Variants in SLC15A2 observed in about 807,000 individuals in gnomAD.
The protein encoded by SLC15A2 is kidney H(+)/peptide cotransporter.
A neutral mutation model predicts 95.5 loss-of-function variants in SLC15A2; 77 were observed. The observed-to-expected ratio is 0.81, with a 90% CI of 0.67 to 0.97. The LOEUF (loss-of-function observed/expected upper bound fraction) is 0.97. Ranked by LOEUF, SLC15A2 falls within the 50% of genes least tolerant of loss-of-function variation. SLC15A2 has a pLI of 0.00. For missense variants in SLC15A2, 893 were observed against 874.4 expected (o/e 1.02, Z -0.27); for synonymous variants, 306 against 306.9 (o/e 1.00, Z 0.03).
intron 3 of SLC15A2, among the ~76,000 whole-genome samples, chr3:121,900,199 C>T (rs1361284914): frequency 6.6e-6 from 1 of 152,154 alleles, no homozygotes; most frequent in Non-Finnish European, 1.5e-5. Flanking sequence ...GCATTCACCT[C>T]CACAAATCTG....
intron 3 of SLC15A2, among the ~76,000 whole-genome samples, chr3:121,905,299 G>A (rs961636725): frequency 1.3e-5 from 2 of 152,116 alleles, no homozygotes; most frequent in Admixed American, 6.6e-5. Flanking sequence ...CAAAAAACCA[G>A]CTCCTGGATT....
chr3:121,939,433 G>T lies in SLC15A2; in HGVS notation c.1846G>T (p.Ala616Ser). The change falls in exon 20 of 22, where the codon GCC (alanine) becomes TCC (serine). Residue 616 changes from alanine to serine, a missense_variant. Ala to Ser is a moderately conservative substitution (Grantham distance 99). Coordinates refer to ENST00000489711, the MANE Select transcript of SLC15A2 (RefSeq NM_021082.4). ...CATTGCGTGGCAGCTACCACAATATGCCCTGGTTACAGCTGGGGAGGTCAT... is the reference window on the plus strand; with the variant it reads ...CATTGCGTGGCAGCTACCACAATATTCCCTGGTTACAGCTGGGGAGGTCAT... ...MSIAWQLPQY[A>S]LVTAGEVMFS... 1 of 1,574,668 alleles carries T rather than the reference G, an allele frequency of 6.4e-7. No homozygotes were observed. Among genetic ancestry groups the T allele is most frequent in the South Asian group, 1.2e-5 (1 of 84,566 alleles).
At chr3:121,932,477 GATA>G (rs1710252559) in intron 19 of SLC15A2, among the ~76,000 whole-genome samples, 1 of 152,124 alleles carries the variant, frequency 6.6e-6, no homozygotes, top group South Asian at 2.1e-4. Context: ...TACTGAAACT[GATA>G]ATAATGTCAA....
chr3:121,900,706 C>A (rs1339991817), intron 3 of SLC15A2, among the ~76,000 whole-genome samples: 1 of 152,062 alleles, frequency 6.6e-6, no homozygotes, highest in African/African-American at 2.4e-5. Context: ...TCTTCCCCAC[C>A]CTTTCATGTC....
chr3:121,927,983 A>G (rs1195276305), intron 14 of SLC15A2, 144 bp downstream of exon 14: 2 of 652,116 alleles, frequency 3.1e-6, no homozygotes, highest in Non-Finnish European at 5.3e-6. Context: ...GTGATAAATA[A>G]GTAGATACAG....
chr3:121,898,368 G>A (rs1576667026), intron 3 of SLC15A2, among the ~76,000 whole-genome samples: 1 of 151,864 alleles, frequency 6.6e-6, no homozygotes, highest in African/African-American at 2.4e-5. Flanking sequence ...TAGACTATTG[G>A]TTCATTCAGT....
intron 3 of SLC15A2, among the ~76,000 whole-genome samples, chr3:121,909,604 G>A (rs1045304640): frequency 6.6e-6 from 1 of 151,986 alleles, no homozygotes; most frequent in Admixed American, 6.5e-5. Flanking sequence ...TATTTCCTAT[G>A]AGGTTTTTGT....
In SLC15A2 at chr3:121,928,401, C is replaced by CA. The variant is rs747187907; in HGVS notation, c.1207-19dup. ...AAGGATTATTTGTTGGTGATTCTGA[C>CA]ATGTGTTCTTTGCTCTAAGGAAATG... is the stretch of plus-strand genomic sequence containing the variant. On this transcript the variant is annotated intron_variant, in intron 14 of 21. Coordinates refer to ENST00000489711, the MANE Select transcript of SLC15A2 (RefSeq NM_021082.4). 6.2e-7 allele frequency: 1 copy of CA among 1,610,456 alleles called. No homozygotes were observed. The highest frequency in any genetic ancestry group is 2.2e-5 in the East Asian group (1 of 44,802).
intron 3 of SLC15A2, among the ~76,000 whole-genome samples, chr3:121,909,992 T>C (rs201420793): frequency 4.6e-5 from 7 of 151,658 alleles, no homozygotes; most frequent in African/African-American, 1.5e-4. Context: ...CTCCTTTTTT[T>C]TTCCTCTATG....
Position 121,915,490 on chromosome 3 carries a change from G to A in SLC15A2, c.620-126G>A, listed in dbSNP as rs1426154629. On this transcript the variant is annotated intron_variant, in intron 6 of 21. Coordinates refer to ENST00000489711, the MANE Select transcript of SLC15A2 (RefSeq NM_021082.4). ...AGAAGAACTATGGATTAGGTGATGG[G>A]AGGAAAGAGGGTGGTTATGTCTATT... 3 of 813,718 alleles carry A rather than the reference G, an allele frequency of 3.7e-6. No individual in the cohort carries two copies. The East Asian group carries it at 7.4e-5, about 20-fold the overall frequency. The allele number at this position is 813,718 out of a possible 1,614,324, so 50.4% of individuals were successfully genotyped here.
At position 121,894,412 on chromosome 3, in the gene SLC15A2, G is replaced by A; in HGVS notation, c.-65G>A. 7.9e-7 allele frequency: 1 copy of A among 1,259,136 alleles called. No individual in the cohort carries two copies. Among genetic ancestry groups the A allele is most frequent in the Non-Finnish European group, 1.1e-6 (1 of 882,194 alleles). The allele number at this position is 1,259,136 out of a possible 1,614,324, so 78.0% of individuals were successfully genotyped here. A position where few individuals can be genotyped will look rare whatever the true frequency, so the allele number is the denominator to read the frequency against. On this transcript the variant is annotated 5_prime_UTR_variant, in exon 1 of 22. Coordinates refer to ENST00000489711, the MANE Select transcript of SLC15A2 (RefSeq NM_021082.4). ...CAGTCCTTCTTTTCAGAGTAGGCTGGCAGCTGTCCTAACTGCCTACTAAAG... is the reference window on the plus strand; with the variant it reads ...CAGTCCTTCTTTTCAGAGTAGGCTGACAGCTGTCCTAACTGCCTACTAAAG...
chr3:121,906,870 G>A (rs1317874900), intron 3 of SLC15A2, among the ~76,000 whole-genome samples: 2 of 152,080 alleles, frequency 1.3e-5, no homozygotes, highest in African/African-American at 4.8e-5. Flanking sequence ...TATCTTTGTG[G>A]TGTTCTCTGA....
At position 121,911,557 on chromosome 3, in the gene SLC15A2, T is replaced by A; in HGVS notation, c.336-17T>A. The A allele has an allele frequency of 6.3e-7, 1 of 1,584,670 alleles. No individual in the cohort carries two copies. Among genetic ancestry groups the A allele is most frequent in the Non-Finnish European group, 8.7e-7 (1 of 1,153,420 alleles). ...TCAGTTCTGGTTTTAGACTGACTGA[T>A]TTAGCTCTCTCAACAGGACAATCAT... is the stretch of plus-strand genomic sequence containing the variant. On this transcript the variant is annotated splice_polypyrimidine_tract_variant and intron_variant, in intron 3 of 21. Coordinates refer to ENST00000489711, the MANE Select transcript of SLC15A2 (RefSeq NM_021082.4).
chr3:121,927,937 A>G, intron 14 of SLC15A2, 98 bp downstream of exon 14: 2 of 859,602 alleles, frequency 2.3e-6, no homozygotes, highest in South Asian at 1.5e-5. Flanking sequence ...GACCTAGCAC[A>G]GTACCTGTTT....
chr3:121,901,232 T>C (rs1246023130), intron 3 of SLC15A2, among the ~76,000 whole-genome samples: 1 of 152,156 alleles, frequency 6.6e-6, no homozygotes, highest in Non-Finnish European at 1.5e-5. Context: ...TTGGCCAGGC[T>C]GGTCTCGAAC....
chr3:121,923,209 C>T lies in SLC15A2; in HGVS notation c.958-13C>T, dbSNP rs186889035. 4.3e-6 allele frequency: 7 copies of T among 1,613,954 alleles called. No individual in the cohort carries two copies. The African/African-American group carries it at 8.0e-5, about 18-fold the overall frequency. ...GGAAAGGGATTTCTCATAACAGGAT[C>T]TGTTTGCCCTAGGGTTCACGATGGA... On this transcript the variant is annotated splice_polypyrimidine_tract_variant and intron_variant, in intron 10 of 21. Transcript: ENST00000489711.
At chr3:121,910,389 G>A (rs1323945548) in intron 3 of SLC15A2, among the ~76,000 whole-genome samples, 1 of 151,938 alleles carries the variant, frequency 6.6e-6, no homozygotes, top group Non-Finnish European at 1.5e-5. Flanking sequence ...TAGACACAGG[G>A]TTTCACCATG....
At chr3:121,898,341 C>T (rs151181662) in intron 3 of SLC15A2, among the ~76,000 whole-genome samples, 50 of 152,080 alleles carry the variant, frequency 3.3e-4, no homozygotes, top group African/African-American at 9.2e-4. Context: ...TCTTATGAAT[C>T]TAATATTTTC....
At chr3:121,938,279 G>A (rs1710389988) in intron 19 of SLC15A2, among the ~76,000 whole-genome samples, 1 of 152,272 alleles carries the variant, frequency 6.6e-6, no homozygotes, top group Non-Finnish European at 1.5e-5. Flanking sequence ...GCCTTGAGCT[G>A]TGGTGGGCTC....
Sources: allele counts gnomAD v4.1 joint callset (sites outside exome capture counted in the v4.1 genomes callset), GRCh38; gene constraint gnomAD v4.1.1; transcripts MANE v1.5; gene names NCBI Gene and HGNC (gene_info 2026-07-23, HGNC 2026-07-21).